The following ZBTB7C variants were observed in gnomAD, a reference collection of about 807,000 sequenced individuals.
ZBTB7C encodes the protein zinc finger and BTB domain-containing protein 7C.
A neutral mutation model predicts 25.7 loss-of-function variants in ZBTB7C; 8 were observed. The ratio of observed to expected loss-of-function variants is 0.31; its 90% CI spans 0.18 to 0.56. The LOEUF (loss-of-function observed/expected upper bound fraction) is 0.56, where lower values mean the gene tolerates loss of function less well. ZBTB7C is among the 20% of genes least tolerant of loss of function. ZBTB7C has a pLI of 0.91. For missense variants in ZBTB7C, 824 were observed against 855.2 expected (o/e 0.96, Z 0.46); for synonymous variants, 394 against 369.0 (o/e 1.07, Z -0.78).
intron 2 of ZBTB7C, among the ~76,000 whole-genome samples, chr18:48,270,778 G>C (rs575551558): frequency 9.0e-4 from 136 of 151,346 alleles, no homozygotes; most frequent in African/African-American, 3.1e-3. Flanking sequence ...TTGACCTCAC[G>C]ATCCGCCCAC....
rs376568587 is a variant in ZBTB7C at position 48,039,981 on chromosome 18, G to T, written c.1127C>A (p.Ala376Asp). The T allele has an allele frequency of 1.9e-6, 3 of 1,614,054 alleles. No homozygotes were observed. The highest frequency in any genetic ancestry group is 2.5e-6 in the Non-Finnish European group (3 of 1,180,040). Reference protein sequence around the residue: ...CPICHKVIMGAGKLPRHMRTH... With the variant: ...CPICHKVIMGDGKLPRHMRTH... Reference sequence around the variant, plus strand: ...CCTCATGTGCCGCGGCAGCTTCCCGGCCCCCATGATGACTTTGTGGCAGAT... The same window carrying T: ...CCTCATGTGCCGCGGCAGCTTCCCGTCCCCCATGATGACTTTGTGGCAGAT... The change falls in exon 4 of 5, where the codon GCC (alanine) becomes GAC (aspartate). Residue 376 changes from alanine to aspartate, a missense_variant. Ala to Asp is a moderately radical substitution (Grantham distance 126). Around this residue, in one of 4 missense-constraint regions of ZBTB7C, gnomAD observed 49 missense variants for 81.3 expected, o/e 0.60. Coordinates refer to ENST00000590800, the MANE Select transcript of ZBTB7C (RefSeq NM_001318841.2).
At chr18:48,127,879 G>A (rs1406615260) in intron 3 of ZBTB7C, among the ~76,000 whole-genome samples, 2 of 152,204 alleles carry the variant, frequency 1.3e-5, no homozygotes, top group African/African-American at 2.4e-5. Flanking sequence ...GGCGGGAGAA[G>A]GGAGGGAGAA....
chr18:48,198,271 A>T (rs2042361827), intron 2 of ZBTB7C, among the ~76,000 whole-genome samples: 1 of 152,196 alleles, frequency 6.6e-6, no homozygotes, highest in African/African-American at 2.4e-5. Context: ...TTCCAACTCC[A>T]GTCCTAGACC....
At chr18:48,220,285 T>C (rs2042918528) in intron 2 of ZBTB7C, among the ~76,000 whole-genome samples, 1 of 152,182 alleles carries the variant, frequency 6.6e-6, no homozygotes, top group Non-Finnish European at 1.5e-5. Context: ...GATGAATGAG[T>C]GCAGCTCAGT....
chr18:48,188,660 C>T lies in ZBTB7C; in HGVS notation c.-78-2665G>A, dbSNP rs190363172. ...CATTGAGAGACAGGATTCTCCTATT[C>T]CCACCTCTTGAAGTCCAAACACCAT... On this transcript the variant is annotated intron_variant, in intron 2 of 4. Transcript: ENST00000590800. 2.2e-4 allele frequency among the ~76,000 whole-genome samples: 33 copies of T among 152,274 alleles called. 1 individual carries two copies. Among genetic ancestry groups the T allele is most frequent in the Non-Finnish European group, 3.1e-4 (21 of 68,012 alleles).
intron 2 of ZBTB7C, among the ~76,000 whole-genome samples, chr18:48,188,015 G>T (rs895739804): frequency 6.6e-6 from 1 of 152,028 alleles, no homozygotes; most frequent in Non-Finnish European, 1.5e-5. Flanking sequence ...CTTAACAAAT[G>T]GTTAAAATAA....
intron 1 of ZBTB7C, among the ~76,000 whole-genome samples, chr18:48,367,240 C>CAA: frequency 3.5e-5 from 2 of 56,362 alleles, no homozygotes; most frequent in East Asian, 3.3e-3. Flanking sequence ...CACATACATA[C>CAA]ACACACACAC....
intron 2 of ZBTB7C, among the ~76,000 whole-genome samples, chr18:48,298,693 G>T (rs1273329670): frequency 1.3e-5 from 2 of 152,178 alleles, no homozygotes; most frequent in African/African-American, 4.8e-5. Flanking sequence ...TGCCCAGCAG[G>T]CTGACCCACC....
At chr18:48,213,088 G>A (rs369828990) in intron 2 of ZBTB7C, among the ~76,000 whole-genome samples, 3 of 151,692 alleles carry the variant, frequency 2.0e-5, no homozygotes, top group Non-Finnish European at 2.9e-5. Context: ...TGGTTTCAGC[G>A]GGGGCAGTTC....
chr18:48,184,463 G>A (rs368286769), intron 3 of ZBTB7C, among the ~76,000 whole-genome samples: 10 of 152,138 alleles, frequency 6.6e-5, no homozygotes, highest in African/African-American at 2.4e-4. Context: ...TCTGCAAAAT[G>A]GGAATACTGG....
At chr18:48,099,967 C>T (rs562072569) in intron 3 of ZBTB7C, among the ~76,000 whole-genome samples, 8 of 152,342 alleles carry the variant, frequency 5.3e-5, no homozygotes, top group South Asian at 2.1e-4. Flanking sequence ...GCCTTAACAG[C>T]GACCTCCTTA....
intron 1 of ZBTB7C, among the ~76,000 whole-genome samples, chr18:48,340,118 G>A (rs972477823): frequency 2.0e-5 from 3 of 152,186 alleles, no homozygotes; most frequent in Admixed American, 6.5e-5. Context: ...CCCATTTGAC[G>A]AAAGATCTCA....
chr18:48,160,935 GTTTTTTT>G (rs59824886), intron 3 of ZBTB7C, among the ~76,000 whole-genome samples: 4,013 of 136,898 alleles, frequency 0.029, 78 homozygotes, highest in Non-Finnish European at 0.04. Flanking sequence ...TTTGAGACAA[GTTTTTTT>G]TTTTTTTTTT....
chr18:48,234,253 T>G (rs987861630), intron 2 of ZBTB7C, among the ~76,000 whole-genome samples: 3 of 152,220 alleles, frequency 2.0e-5, no homozygotes, highest in Non-Finnish European at 4.4e-5. Context: ...CTATACCATA[T>G]TCATAGTAAG....
At chr18:48,062,021 G>C (rs780070981) in intron 3 of ZBTB7C, among the ~76,000 whole-genome samples, 5 of 152,216 alleles carry the variant, frequency 3.3e-5, no homozygotes, top group Non-Finnish European at 7.3e-5. Context: ...CTGTTCTCAC[G>C]TGTGGCAAGA....
At chr18:48,273,910 T>C (rs1211159529) in intron 2 of ZBTB7C, among the ~76,000 whole-genome samples, 2 of 152,200 alleles carry the variant, frequency 1.3e-5, no homozygotes, top group Admixed American at 1.3e-4. Flanking sequence ...AAGGTGTTAT[T>C]TTGCTAACAA....
At chr18:48,086,445 C>A (rs1260065634) in intron 3 of ZBTB7C, among the ~76,000 whole-genome samples, 11 of 152,182 alleles carry the variant, frequency 7.2e-5, no homozygotes, top group Non-Finnish European at 1.5e-4. Context: ...TAAAGCGGCA[C>A]CCCATGTTCC....
chr18:48,077,851 GAGACCCACCA>G (rs2037832114), intron 3 of ZBTB7C, among the ~76,000 whole-genome samples: 1 of 152,132 alleles, frequency 6.6e-6, no homozygotes, highest in Non-Finnish European at 1.5e-5. Flanking sequence ...AGATGCTGAG[GAGACCCACCA>G]AGAGCCTCTT....
intron 1 of ZBTB7C, among the ~76,000 whole-genome samples, chr18:48,385,633 G>A (rs2047730202): frequency 6.6e-6 from 1 of 152,252 alleles, no homozygotes; most frequent in Non-Finnish European, 1.5e-5. Flanking sequence ...CATTCAGAGT[G>A]TAAGGTAGCA....
Sources: allele counts gnomAD v4.1 joint callset (sites outside exome capture counted in the v4.1 genomes callset), GRCh38; gene constraint gnomAD v4.1.1; regional missense constraint gnomAD v4.1.1; transcripts MANE v1.5; gene names NCBI Gene and HGNC (gene_info 2026-07-23, HGNC 2026-07-21).